The following PDE4D variants were observed in gnomAD, a reference collection of about 807,000 sequenced individuals.
The protein encoded by PDE4D is 3',5'-cyclic-AMP phosphodiesterase 4D.
PDE4D carries 24 observed loss-of-function variants against 87.4 expected under a neutral mutation model. That is an observed-to-expected ratio of 0.27 (90% CI 0.20 to 0.39). The LOEUF is 0.39. Among genes scored for constraint, PDE4D ranks in the 10% least tolerant of loss-of-function variants. PDE4D has a pLI of 1.00. For missense variants in PDE4D, 714 were observed against 1,041.0 expected, an observed-to-expected ratio of 0.69 and a Z score of 4.32; for synonymous variants, 384 against 383.2, an observed-to-expected ratio of 1.00 and a Z score of -0.02.
intron 3 of PDE4D, among the ~76,000 whole-genome samples, chr5:59,906,717 A>G (rs985115492): frequency 3.3e-5 from 5 of 152,110 alleles, no homozygotes; most frequent in Non-Finnish European, 5.9e-5. Flanking sequence ...CAAAATCACA[A>G]TGAGATACCA....
At chr5:60,151,729 T>C (rs559689414) in intron 2 of PDE4D, among the ~76,000 whole-genome samples, 2 of 152,352 alleles carry the variant, frequency 1.3e-5, no homozygotes, top group East Asian at 3.9e-4. Context: ...TGGATGCCTT[T>C]GCTTCTTTTT....
chr5:59,351,563 A>C (rs1037633027), intron 1 of PDE4D, among the ~76,000 whole-genome samples: 2 of 152,140 alleles, frequency 1.3e-5, no homozygotes, highest in African/African-American at 4.8e-5. Flanking sequence ...TTGGCAGTAA[A>C]ATACAACCAC....
chr5:59,209,863 A>G (rs573760073), intron 2 of PDE4D, among the ~76,000 whole-genome samples: 1 of 152,358 alleles, frequency 6.6e-6, no homozygotes, highest in South Asian at 2.1e-4. Context: ...ACTGGGAACT[A>G]TTCCAAGCTA....
Position 59,740,496 on chromosome 5 carries a change from G to A in PDE4D, c.455+152672C>T, listed in dbSNP as rs550671240. Among the ~76,000 whole-genome samples, 188 of 152,076 alleles carry A rather than the reference G, an allele frequency of 1.2e-3. 1 individual carries two copies. Among genetic ancestry groups the A allele is most frequent in the African/African-American group, 4.4e-3 (181 of 41,484 alleles). On this transcript the variant is annotated intron_variant, in intron 1 of 14. Transcript: ENST00000340635. ...AACACATTTATACCTTGTAAATAGG[G>A]GCACAATCACGTGGAATTCATAGGC...
intron 5 of PDE4D, chr5:59,125,270 T>C (rs1297638417): frequency 2.0e-6 from 2 of 984,818 alleles, no homozygotes; most frequent in Non-Finnish European, 2.4e-6. Context: ...AGCCAGACCT[T>C]AGGGAAAATC....
chr5:59,763,421 C>A (rs1580974853), intron 1 of PDE4D, among the ~76,000 whole-genome samples: 1 of 151,920 alleles, frequency 6.6e-6, no homozygotes, highest in Non-Finnish European at 1.5e-5. Flanking sequence ...GATTATAATG[C>A]TAAATTACTT....
At chr5:59,882,885 C>A (rs993396908) in intron 1 of PDE4D, among the ~76,000 whole-genome samples, 1 of 151,774 alleles carries the variant, frequency 6.6e-6, no homozygotes, top group Non-Finnish European at 1.5e-5. Flanking sequence ...TCAAGCAATT[C>A]TCGTGTCTCA....
intron 2 of PDE4D, among the ~76,000 whole-genome samples, chr5:60,073,343 C>T (rs1772935287): frequency 6.6e-6 from 1 of 152,016 alleles, no homozygotes; most frequent in Non-Finnish European, 1.5e-5. Context: ...ACCAACCTTG[C>T]CTCCCATGGG....
chr5:60,453,944 A>G (rs1561274860), intron 1 of PDE4D, among the ~76,000 whole-genome samples: 2 of 152,112 alleles, frequency 1.3e-5, no homozygotes, highest in Non-Finnish European at 2.9e-5. Context: ...GTAACTTATG[A>G]TGGCTTATTT....
chr5:60,430,262 C>A (rs923419591), intron 1 of PDE4D: 1 of 504,000 alleles, frequency 2.0e-6, no homozygotes, highest in Non-Finnish European at 4.0e-6. Context: ...CATCACCCTT[C>A]TTTGCAGGAG....
At chr5:59,465,005 C>A (rs923270569) in intron 1 of PDE4D, among the ~76,000 whole-genome samples, 1 of 152,202 alleles carries the variant, frequency 6.6e-6, no homozygotes, top group Admixed American at 6.5e-5. Flanking sequence ...GCAGTCCCTG[C>A]ACTGAATCAC....
intron 1 of PDE4D, among the ~76,000 whole-genome samples, chr5:60,393,894 C>T (rs1490928659): frequency 6.6e-6 from 1 of 152,152 alleles, no homozygotes; most frequent in Non-Finnish European, 1.5e-5. Flanking sequence ...TCTTAGGGTA[C>T]TAATCTATGT....
chr5:59,498,532 T>C (rs558680915), intron 1 of PDE4D, among the ~76,000 whole-genome samples: 16 of 151,922 alleles, frequency 1.1e-4, no homozygotes, highest in South Asian at 4.2e-4. Flanking sequence ...AAGATACCCA[T>C]TTCACTTGTA....
intron 1 of PDE4D, among the ~76,000 whole-genome samples, chr5:59,886,763 G>A (rs1457263720): frequency 6.6e-6 from 1 of 152,052 alleles, no homozygotes; most frequent in Non-Finnish European, 1.5e-5. Flanking sequence ...ATTATTTCAT[G>A]GGGTTTACAA....
chr5:59,193,207 T>C (rs1421140385), intron 3 of PDE4D, among the ~76,000 whole-genome samples: 3 of 152,218 alleles, frequency 2.0e-5, no homozygotes, highest in African/African-American at 7.2e-5. Context: ...AGCCATGATA[T>C]AGCCTTCTGC....
At chr5:59,058,911 T>C (rs965552029) in intron 5 of PDE4D, among the ~76,000 whole-genome samples, 12 of 152,192 alleles carry the variant, frequency 7.9e-5, no homozygotes, top group Non-Finnish European at 1.3e-4. Context: ...ATTTGAAAAC[T>C]CTAATCTAGT....
At chr5:59,834,026 C>G (rs1276833849) in intron 1 of PDE4D, among the ~76,000 whole-genome samples, 2 of 151,960 alleles carry the variant, frequency 1.3e-5, no homozygotes, top group East Asian at 3.9e-4. Flanking sequence ...TGACAAAGTT[C>G]AGCATCAAAA....
At chr5:60,355,056 A>G (rs1481211028) in intron 1 of PDE4D, among the ~76,000 whole-genome samples, 1 of 152,166 alleles carries the variant, frequency 6.6e-6, no homozygotes, top group Admixed American at 6.6e-5. Flanking sequence ...ATAACTAATA[A>G]GTTTCCTGGA....
chr5:59,255,859 A>C (rs916137949), intron 1 of PDE4D, among the ~76,000 whole-genome samples: 6 of 152,138 alleles, frequency 3.9e-5, no homozygotes, highest in Non-Finnish European at 8.8e-5. Context: ...ACAATAGTAA[A>C]TGTCATCTGG....
Sources: allele counts gnomAD v4.1 joint callset (sites outside exome capture counted in the v4.1 genomes callset), GRCh38; gene constraint gnomAD v4.1.1; transcripts MANE v1.5; gene names NCBI Gene and HGNC (gene_info 2026-07-23, HGNC 2026-07-21).